Variants in PCTP observed in about 807,000 individuals in gnomAD.
PCTP encodes START domain-containing protein 2.
Under a neutral mutation model 31.0 loss-of-function variants are expected in PCTP, and 27 were observed. That is an observed-to-expected ratio of 0.87 (90% CI 0.64 to 1.20). PCTP has a LOEUF of 1.20. Ranked by LOEUF, PCTP falls within the 50% of genes most tolerant of loss-of-function variation. The pLI, the probability that PCTP is intolerant of heterozygous loss-of-function variation, is 0.00. For missense variants in PCTP, 287 were observed against 268.2 expected (o/e 1.07, Z -0.49); for synonymous variants, 108 against 101.2 (o/e 1.07, Z -0.40).
intron 5 of PCTP, among the ~76,000 whole-genome samples, chr17:55,833,159 G>A (rs570982320): frequency 1.3e-5 from 2 of 152,162 alleles, no homozygotes; most frequent in African/African-American, 4.8e-5. Context: ...CATCATAGAT[G>A]TGAGGATATT....
intron 1 of PCTP, among the ~76,000 whole-genome samples, chr17:55,765,206 A>G (rs1226268193): frequency 4.6e-5 from 7 of 152,246 alleles, no homozygotes; most frequent in African/African-American, 1.7e-4. Context: ...TGATAAAACA[A>G]TGTGTTGGGT....
chr17:55,781,265 T>TACA (rs1249036311), downstream of PCTP, among the ~76,000 whole-genome samples: 3 of 152,236 alleles, frequency 2.0e-5, no homozygotes, highest in Non-Finnish European at 4.4e-5. Flanking sequence ...CTGCCTCCCG[T>TACA]TCTCCTGCCC....
At chr17:55,826,925 A>G (rs1006116729), downstream of PCTP, among the ~76,000 whole-genome samples, 3 of 152,182 alleles carry the variant, frequency 2.0e-5, no homozygotes, top group Admixed American at 2.0e-4. Context: ...TGGGTTGTGA[A>G]TAAGAAAAAT....
intron 3 of PCTP, among the ~76,000 whole-genome samples, chr17:55,815,516 G>A (rs1351307420): frequency 6.6e-6 from 1 of 152,160 alleles, no homozygotes; most frequent in Non-Finnish European, 1.5e-5. Flanking sequence ...GCTAATTGTT[G>A]CTTATTTATT....
At chr17:55,760,187 G>A (rs188389509) in intron 1 of PCTP, among the ~76,000 whole-genome samples, 7 of 152,258 alleles carry the variant, frequency 4.6e-5, no homozygotes, top group African/African-American at 1.7e-4. Context: ...TACATCACAG[G>A]ATTATTGCAA....
chr17:55,804,716 G>A (rs117672310), intron 3 of PCTP, among the ~76,000 whole-genome samples: 1,568 of 152,266 alleles, frequency 0.01, 14 homozygotes, highest in Non-Finnish European at 0.018. Context: ...CCTGTCACAG[G>A]GTGGGGGACT....
At chr17:55,779,911 A>T (rs573926733), downstream of PCTP, among the ~76,000 whole-genome samples, 3 of 152,284 alleles carry the variant, frequency 2.0e-5, no homozygotes, top group South Asian at 6.2e-4. Flanking sequence ...CTCTGTCTCT[A>T]TTGGCCCATG....
intron 3 of PCTP, among the ~76,000 whole-genome samples, chr17:55,793,272 C>A (rs935765848): frequency 2.0e-5 from 3 of 152,036 alleles, no homozygotes; most frequent in Non-Finnish European, 4.4e-5. Context: ...TTATTCTGGA[C>A]AGTCAGAAAC....
chr17:55,758,132 T>C (rs1910147070), intron 1 of PCTP, among the ~76,000 whole-genome samples: 1 of 152,212 alleles, frequency 6.6e-6, no homozygotes, highest in Non-Finnish European at 1.5e-5. Flanking sequence ...GGCTCACAGC[T>C]TCAATTTAGA....
chr17:55,836,482 T>G (rs1019842940), intron 5 of PCTP, among the ~76,000 whole-genome samples: 1 of 152,226 alleles, frequency 6.6e-6, no homozygotes, highest in Non-Finnish European at 1.5e-5. Flanking sequence ...CCTTGCCTTA[T>G]CTATCTCTTT....
chr17:55,841,179 C>G (rs1905970452), intron 5 of PCTP, among the ~76,000 whole-genome samples: 1 of 152,166 alleles, frequency 6.6e-6, no homozygotes, highest in African/African-American at 2.4e-5. Flanking sequence ...AGAGGGAAAT[C>G]CACGTCATTA....
chr17:55,809,768 G>T (rs60812026), intron 3 of PCTP, among the ~76,000 whole-genome samples: 3 of 152,150 alleles, frequency 2.0e-5, no homozygotes, highest in Middle Eastern at 3.4e-3. Context: ...TGACTCGCCC[G>T]CCTCGGCGTC....
intron 3 of PCTP, among the ~76,000 whole-genome samples, chr17:55,799,791 T>C (rs1912313819): frequency 6.6e-6 from 1 of 152,194 alleles, no homozygotes; most frequent in Non-Finnish European, 1.5e-5. Flanking sequence ...CTCTCAGCAT[T>C]TGCTTGTCTG....
downstream of PCTP, chr17:55,777,425 A>T (rs1911395118): frequency 1.0e-6 from 1 of 957,994 alleles, no homozygotes; most frequent in Non-Finnish European, 1.2e-6. Flanking sequence ...GTGAGTGTGC[A>T]TCAGTTAGAT....
chr17:55,808,370 C>G (rs1198079068), intron 3 of PCTP, among the ~76,000 whole-genome samples: 1 of 152,188 alleles, frequency 6.6e-6, no homozygotes, highest in South Asian at 2.1e-4. Context: ...TGATTTTAAG[C>G]AAATTATTTG....
At chr17:55,768,354 C>T (rs1171099050) in intron 2 of PCTP, among the ~76,000 whole-genome samples, 3 of 151,952 alleles carry the variant, frequency 2.0e-5, no homozygotes, top group Admixed American at 6.6e-5. Context: ...GGAGGAGGTG[C>T]GGTCCAAGTT....
At chr17:55,791,990 G>A (rs1321316875) in intron 3 of PCTP, among the ~76,000 whole-genome samples, 1 of 151,500 alleles carries the variant, frequency 6.6e-6, no homozygotes, top group African/African-American at 2.4e-5. Flanking sequence ...AAAATGATGA[G>A]TTCATGTCCT....
chr17:55,791,822 C>G (rs376446183), intron 3 of PCTP, among the ~76,000 whole-genome samples: 4 of 151,874 alleles, frequency 2.6e-5, no homozygotes, highest in Non-Finnish European at 5.9e-5. Flanking sequence ...ACCCAAAGGA[C>G]TATAAATCAT....
chr17:55,822,700 C>A, intron 3 of PCTP: 1 of 933,674 alleles, frequency 1.1e-6, no homozygotes, highest in East Asian at 3.3e-5. Flanking sequence ...CTGAAGTATC[C>A]CCAGGAATTT....
Sources: gnomAD v4.1 joint callset for allele counts (sites outside exome capture counted in the v4.1 genomes callset) on GRCh38, gnomAD v4.1.1 for gene constraint, MANE v1.5 for transcripts, NCBI Gene and HGNC (gene_info 2026-07-23, HGNC 2026-07-21) for gene names.